Variants in EIF5B observed in about 807,000 individuals in gnomAD.
The protein encoded by EIF5B is eukaryotic translation initiation factor 5B, also known as eIF-5B.
Under a neutral mutation model 147.5 loss-of-function variants are expected in EIF5B, and 47 were observed. The ratio of observed to expected loss-of-function variants is 0.32; its 90% CI spans 0.25 to 0.41. The LOEUF (loss-of-function observed/expected upper bound fraction) is 0.41. Ranked by LOEUF, EIF5B falls within the 10% of genes least tolerant of loss-of-function variation. The pLI, the probability that EIF5B is intolerant of heterozygous loss-of-function variation, is 1.00. For missense variants in EIF5B, 1,064 were observed against 1,413.2 expected (o/e 0.75, Z 3.96); for synonymous variants, 455 against 456.2 (o/e 1.00, Z 0.03).
intron 13 of EIF5B, among the ~76,000 whole-genome samples, 185 bp from the exon 14 acceptor site, chr2:99,382,595 A>G (rs1490636179): frequency 2.0e-5 from 3 of 152,230 alleles, no homozygotes; most frequent in African/African-American, 7.2e-5. Context: ...AAACTAGCTC[A>G]TTCCACTTGA....
At chr2:99,391,473 T>C (rs1363141779) in intron 17 of EIF5B, among the ~76,000 whole-genome samples, 1 of 152,186 alleles carries the variant, frequency 6.6e-6, no homozygotes, top group African/African-American at 2.4e-5. Context: ...TAACACATTT[T>C]TGGGAAGCAA....
intron 10 of EIF5B, among the ~76,000 whole-genome samples, chr2:99,377,244 TTAA>T (rs1047406302): frequency 1.4e-4 from 22 of 152,248 alleles, no homozygotes; most frequent in African/African-American, 5.3e-4. Context: ...TTGTGTATTA[TTAA>T]TTTTTTAATT....
chr2:99,372,810 C>T (rs1159585647), intron 9 of EIF5B, among the ~76,000 whole-genome samples: 4 of 152,182 alleles, frequency 2.6e-5, no homozygotes, highest in East Asian at 1.9e-4. Flanking sequence ...TTATATTCTG[C>T]AGTAGTTGGA....
At chr2:99,343,298 A>G (rs926032907) in intron 1 of EIF5B, among the ~76,000 whole-genome samples, 1 of 151,068 alleles carries the variant, frequency 6.6e-6, no homozygotes, top group African/African-American at 2.4e-5. Flanking sequence ...GTCTTGATAT[A>G]GTCTGGATAC....
At chr2:99,375,853 GA>G (rs1171658441) in intron 9 of EIF5B, among the ~76,000 whole-genome samples, 2 of 152,144 alleles carry the variant, frequency 1.3e-5, no homozygotes, top group Admixed American at 6.5e-5. Context: ...AATCAAGTTT[GA>G]GCACCACTAC....
chr2:99,392,305 C>A (rs1674955014), intron 17 of EIF5B, among the ~76,000 whole-genome samples: 1 of 152,030 alleles, frequency 6.6e-6, no homozygotes, highest in African/African-American at 2.4e-5. Context: ...GAACTCCTGA[C>A]CTCAGCCTCC....
chr2:99,363,772 T>G lies in EIF5B; in HGVS notation c.1047T>G (p.Ala349=). The G allele has an allele frequency of 6.2e-7, 1 of 1,613,990 alleles. No homozygotes were observed. Among genetic ancestry groups the G allele is most frequent in the South Asian group, 1.1e-5 (1 of 91,010 alleles). Residue 349 remains alanine, a synonymous_variant, in exon 5 of 24, where the codon GCT becomes GCG. Coordinates refer to ENST00000289371, the MANE Select transcript of EIF5B (RefSeq NM_015904.4). The part of the protein sequence containing the change: ...ATVKAMQEAL[A]KLKEEEERQK... ...TTAAAGCTATGCAAGAAGCTCTGGC[T>G]AAGCTTAAAGAGGAAGAAGAAAGAC... is the stretch of plus-strand genomic sequence containing the variant.
chr2:99,352,589 G>T (rs553223874), intron 1 of EIF5B, among the ~76,000 whole-genome samples: 1 of 149,496 alleles, frequency 6.7e-6, no homozygotes, highest in Admixed American at 6.7e-5. Flanking sequence ...TGATGCTTGT[G>T]CCTTAGCTTC....
At chr2:99,382,055 G>A (rs996655711) in intron 12 of EIF5B, 104 bp from the exon 13 acceptor site, 21 of 845,768 alleles carry the variant, frequency 2.5e-5, no homozygotes, top group Non-Finnish European at 3.8e-5. Flanking sequence ...ATATGGAAAA[G>A]GGAGTAGTGA....
chr2:99,382,032 T>A, intron 12 of EIF5B, 127 bp from the exon 13 acceptor site: 2 of 682,012 alleles, frequency 2.9e-6, no homozygotes, highest in Non-Finnish European at 4.9e-6. Flanking sequence ...ACTCACTGTT[T>A]CTAAAGCCAT....
At chr2:99,371,481 T>TC (rs1221587086) in intron 8 of EIF5B, among the ~76,000 whole-genome samples, 175 bp from the exon 9 acceptor site, 3 of 124,026 alleles carry the variant, frequency 2.4e-5, no homozygotes, top group Non-Finnish European at 5.0e-5. Flanking sequence ...GAGCAAAGAC[T>TC]CCGTCTCAAA....
At chr2:99,397,027 T>G in intron 22 of EIF5B, 129 bp downstream of exon 22, 1 of 1,053,330 alleles carries the variant, frequency 9.5e-7, no homozygotes, top group East Asian at 2.9e-5. Context: ...GGTCTCCACC[T>G]TCTTAACAAA....
chr2:99,352,746 A>G (rs1673998703), intron 1 of EIF5B, among the ~76,000 whole-genome samples: 1 of 151,894 alleles, frequency 6.6e-6, no homozygotes, highest in Non-Finnish European at 1.5e-5. Flanking sequence ...AAGCGCTAAG[A>G]TTACAGGCGT....
chr2:99,338,364 G>C, intron 1 of EIF5B: 1 of 1,287,820 alleles, frequency 7.8e-7, no homozygotes, highest in Non-Finnish European at 1.0e-6. Flanking sequence ...ATTGAGTTCT[G>C]TTACTCATGA....
chr2:99,360,992 TCTTG>T (rs1674199761), intron 3 of EIF5B, among the ~76,000 whole-genome samples, 152 bp from the exon 4 acceptor site: 1 of 152,250 alleles, frequency 6.6e-6, no homozygotes, highest in Non-Finnish European at 1.5e-5. Context: ...GGCCAACCTC[TCTTG>T]CTTGTTTGAA....
rs1363095461 is a variant in EIF5B at position 99,363,846 on chromosome 2, C to T, written c.1121C>T (p.Ala374Val). 3.1e-6 allele frequency: 5 copies of T among 1,607,368 alleles called. No individual in the cohort carries two copies. The Admixed American group carries it at 8.6e-5, about 28-fold the overall frequency. ...ERIKRLEELE[A>V]KRKEEERLEQ... ...ATAAAACGGCTTGAAGAATTAGAAGCCAAGCGTAAAGAAGAGGTATGTTTT... is the reference window on the plus strand; with the variant it reads ...ATAAAACGGCTTGAAGAATTAGAAGTCAAGCGTAAAGAAGAGGTATGTTTT... Residue 374 changes from alanine to valine, a missense_variant, in exon 5 of 24, where the codon GCC becomes GTC. Around this residue, in one of 4 missense-constraint regions of EIF5B, gnomAD observed 458 missense variants for 451.3 expected, o/e 1.01. Transcript: ENST00000289371.
intron 1 of EIF5B, among the ~76,000 whole-genome samples, chr2:99,337,924 C>G (rs895031028): frequency 3.9e-5 from 6 of 152,224 alleles, no homozygotes; most frequent in Non-Finnish European, 8.8e-5. Context: ...TTTTTTTCCG[C>G]GCTACTCTTG....
rs190737561 is a variant in EIF5B at position 99,357,377 on chromosome 2, G to A, written c.36-2859G>A. ...ATTCCTGGTATGCTACTTTGTAGCT[G>A]GTGGCCTTTAAAAAATTACCATCTT... On this transcript the variant is annotated intron_variant, in intron 1 of 23. Coordinates refer to ENST00000289371, the MANE Select transcript of EIF5B (RefSeq NM_015904.4). Among the ~76,000 whole-genome samples the A allele has an allele frequency of 2.5e-4, 38 of 152,214 alleles. 1 individual carries two copies. The highest frequency in any genetic ancestry group is 2.4e-3 in the Admixed American group (36 of 15,288).
In EIF5B at chr2:99,399,957, T is replaced by A. The variant is rs918557983; in HGVS notation, c.*543T>A. ...TCTTTAGCTGCTTTGTGTGAAACCA[T>A]GGTGTAAAAGCACAGCTGGCTGCTT... On this transcript the variant is annotated 3_prime_UTR_variant, in exon 24 of 24. Coordinates refer to ENST00000289371, the MANE Select transcript of EIF5B (RefSeq NM_015904.4). The A allele has an allele frequency of 6.5e-6, 1 of 153,188 alleles. No individual in the cohort carries two copies. Among genetic ancestry groups the A allele is most frequent in the African/African-American group, 2.4e-5 (1 of 41,476 alleles). The allele number at this position is 153,188 out of a possible 1,614,324, so 9.5% of individuals were successfully genotyped here.
Sources: gnomAD v4.1 joint callset for allele counts (sites outside exome capture counted in the v4.1 genomes callset) on GRCh38, gnomAD v4.1.1 for gene constraint, gnomAD v4.1.1 regional missense constraint, MANE v1.5 for transcripts, NCBI Gene and HGNC (gene_info 2026-07-23, HGNC 2026-07-21) for gene names.